BANP: variants seen among roughly 807,000 people sequenced by gnomAD.
BANP encodes the protein protein BANP.
In BANP, 11 loss-of-function variants were observed where a neutral mutation model predicts 68.1. That is an observed-to-expected ratio of 0.16 (90% CI 0.10 to 0.27). The LOEUF is 0.27. Ranked by LOEUF, BANP falls within the 10% of genes least tolerant of loss-of-function variation. BANP has a pLI of 1.00. For synonymous variants in BANP, 329 were observed against 303.2 expected, an observed-to-expected ratio of 1.09 and a Z score of -0.88; for missense variants, 504 against 722.7, an observed-to-expected ratio of 0.70 and a Z score of 3.47.
intron 13 of BANP, 44 bp downstream of exon 13, chr16:88,072,256 G>A (rs1232170655): frequency 1.9e-6 from 3 of 1,559,454 alleles, no homozygotes; most frequent in African/African-American, 2.7e-5. Context: ...TGATGGCATG[G>A]CCGCCTGCCG....
intron 6 of BANP, among the ~76,000 whole-genome samples, chr16:88,015,280 G>A (rs1242568501): frequency 7.8e-6 from 1 of 128,840 alleles, no homozygotes; most frequent in Non-Finnish European, 1.6e-5. Flanking sequence ...CCCTCTGCCT[G>A]TACCTCCCTG....
chr16:88,039,950 G>A (rs574295706), intron 11 of BANP, among the ~76,000 whole-genome samples: 3 of 152,320 alleles, frequency 2.0e-5, no homozygotes, highest in South Asian at 4.1e-4. Flanking sequence ...TAAAGCTGCC[G>A]TACTACCACT....
chr16:88,050,523 C>T (rs1200288743), intron 11 of BANP, among the ~76,000 whole-genome samples: 1 of 152,088 alleles, frequency 6.6e-6, no homozygotes, highest in Non-Finnish European at 1.5e-5. Context: ...TTGTGTTGAG[C>T]ATCTTGAACT....
In BANP at chr16:87,954,087, T is replaced by C. The variant is rs112933771; in HGVS notation, c.-69+2572T>C. ...AAGTTCCCTTGTTCTGTCTGAGAAG[T>C]TCTTCCTCTCCAGCTCTGCTCTTCT... On this transcript the variant is annotated intron_variant, in intron 1 of 13. Transcript: ENST00000682872. Among the ~76,000 whole-genome samples the C allele has an allele frequency of 4.2e-3, 647 of 152,240 alleles. 5 individuals are homozygous for C. The highest frequency in any genetic ancestry group is 0.014 in the African/African-American group (586 of 41,530).
At chr16:88,050,143 A>G (rs931765569) in intron 11 of BANP, among the ~76,000 whole-genome samples, 1 of 152,160 alleles carries the variant, frequency 6.6e-6, no homozygotes, top group African/African-American at 2.4e-5. Context: ...CATAGCCAAG[A>G]TGCTATCTAG....
intron 11 of BANP, among the ~76,000 whole-genome samples, chr16:88,061,010 G>T (rs1047250671): frequency 2.0e-5 from 3 of 152,112 alleles, no homozygotes; most frequent in African/African-American, 7.2e-5. Flanking sequence ...CATGGTTAAG[G>T]TCACTCCCAG....
At chr16:87,951,855 C>A (rs935739655) in intron 1 of BANP, among the ~76,000 whole-genome samples, 1 of 152,128 alleles carries the variant, frequency 6.6e-6, no homozygotes, top group African/African-American at 2.4e-5. Context: ...CCCGGAGCCA[C>A]GGCGGGGAGA....
chr16:88,043,552 T>C (rs2081300283), intron 11 of BANP, among the ~76,000 whole-genome samples: 1 of 152,220 alleles, frequency 6.6e-6, no homozygotes, highest in African/African-American at 2.4e-5. Context: ...TCAAATGATA[T>C]CATAGTAGAA....
In BANP at chr16:87,957,217, G is replaced by A. The variant is rs2058244126; in HGVS notation, c.-69+5702G>A. ...CTCTCTGGGGAAGGGGTCAGTGGTG[G>A]TGGAGGATGGCGCGGTGCTCCATTC... On this transcript the variant is annotated intron_variant, in intron 1 of 13. Coordinates refer to ENST00000682872, the MANE Select transcript of BANP (RefSeq NM_001386991.1). This position sits in a 1 kb window ranked among gnomAD's most constrained non-coding sequence, Gnocchi z 4.3. 1 of 152,290 alleles carries A rather than the reference G, an allele frequency of 6.6e-6. No homozygotes were observed. The highest frequency in any genetic ancestry group is 6.5e-5 in the Admixed American group (1 of 15,282). The allele number at this position is 152,290 out of a possible 1,614,324, so 9.4% of individuals were successfully genotyped here.
At chr16:88,028,525 G>GTGGC (rs146096464) in intron 8 of BANP, among the ~76,000 whole-genome samples, 1,834 of 152,318 alleles carry the variant, frequency 0.012, 36 homozygotes, top group African/African-American at 0.042. Flanking sequence ...AGGATGGGAG[G>GTGGC]TGGCTGCCTG....
intron 6 of BANP, among the ~76,000 whole-genome samples, chr16:88,009,576 A>C (rs2152573775): frequency 6.6e-6 from 1 of 152,332 alleles, no homozygotes; most frequent in South Asian, 2.1e-4. Flanking sequence ...GCTCCACTGG[A>C]ATAAGAAGGA....
chr16:88,070,686 G>T (rs985230216), intron 12 of BANP, among the ~76,000 whole-genome samples: 3 of 152,164 alleles, frequency 2.0e-5, no homozygotes, highest in Non-Finnish European at 4.4e-5. Context: ...CACGTGGGGG[G>T]CCTGCAGGCC....
intron 12 of BANP, 91 bp downstream of exon 12, chr16:88,065,423 C>G: frequency 9.2e-6 from 6 of 650,662 alleles, no homozygotes; most frequent in Non-Finnish European, 1.7e-5. Context: ...CTGGGCCCAC[C>G]TGGCCATCCA....
chr16:87,981,195 A>G (rs2063192093), intron 3 of BANP, 68 bp downstream of exon 3: 1 of 1,147,300 alleles, frequency 8.7e-7, no homozygotes, highest in South Asian at 1.3e-5. Flanking sequence ...ATAACAAATC[A>G]CCATCAATGG....
At position 88,064,102 on chromosome 16, in the gene BANP, G is replaced by A. The variant is rs899596165; in HGVS notation, c.1312-1165G>A. On this transcript the variant is annotated intron_variant, in intron 11 of 13. Coordinates refer to ENST00000682872, the MANE Select transcript of BANP (RefSeq NM_001386991.1). The surrounding 1 kb of genome is among the most constrained non-coding windows in gnomAD (Gnocchi z 4.5). Reference sequence around the variant, plus strand: ...AACAAGGTGTGGGGGCCAACCACAAGCAGGCACCGGCGCTGGGGGACCAGG... The same window carrying A: ...AACAAGGTGTGGGGGCCAACCACAAACAGGCACCGGCGCTGGGGGACCAGG... 3.3e-5 allele frequency among the ~76,000 whole-genome samples: 5 copies of A among 152,062 alleles called. No individual in the cohort carries two copies. The South Asian group carries it at 1.0e-3, about 32-fold the overall frequency.
At chr16:87,983,901 A>G (rs995173058) in intron 3 of BANP, among the ~76,000 whole-genome samples, 159 bp from the exon 4 acceptor site, 1 of 152,150 alleles carries the variant, frequency 6.6e-6, no homozygotes, top group African/African-American at 2.4e-5. Context: ...TGTTACTCAC[A>G]TGTTTCTGGC....
chr16:87,980,791 A>C (rs1252096922), intron 2 of BANP: 12 of 472,796 alleles, frequency 2.5e-5, no homozygotes, highest in Middle Eastern at 5.9e-4. Context: ...AGAAGCTTGC[A>C]GGTTTGGAGT....
Position 88,018,516 on chromosome 16 carries a change from C to T in BANP, c.744C>T (p.His248=). Residue 248 remains histidine, a synonymous_variant, in exon 7 of 14, where the codon CAC becomes CAT. Transcript: ENST00000682872. The surrounding 1 kb of genome is among the most constrained non-coding windows in gnomAD (Gnocchi z 7.7). ...RCAIIPSDML[H]ISTNCRTAEK... is the part of the protein sequence containing the mutation. ...CCATCATCCCCTCCGACATGCTGCACATCAGCACCAACTGCCGCACGGCCG... is the reference window on the plus strand; with the variant it reads ...CCATCATCCCCTCCGACATGCTGCATATCAGCACCAACTGCCGCACGGCCG... 2 of 1,613,622 alleles carry T rather than the reference C, an allele frequency of 1.2e-6. No homozygotes were observed. The highest frequency in any genetic ancestry group is 1.7e-6 in the Non-Finnish European group (2 of 1,180,030).
chr16:88,016,630 C>A (rs757826567), intron 6 of BANP, among the ~76,000 whole-genome samples: 1 of 152,196 alleles, frequency 6.6e-6, no homozygotes, highest in Admixed American at 6.5e-5. Flanking sequence ...GTAGAATCCC[C>A]GGAAGCTGGA....
Sources: gnomAD v4.1 joint callset for allele counts (sites outside exome capture counted in the v4.1 genomes callset) on GRCh38, gnomAD v4.1.1 for gene constraint, Gnocchi (gnomAD v3.1) non-coding constraint, MANE v1.5 for transcripts, NCBI Gene and HGNC (gene_info 2026-07-23, HGNC 2026-07-21) for gene names.